CELF4: variants seen among roughly 807,000 people sequenced by gnomAD.
The protein encoded by CELF4 is CUGBP Elav-like family member 4, also known as CUG-BP- and ETR-3-like factor 4.
In CELF4, 18 loss-of-function variants were observed where a neutral mutation model predicts 59.9. The observed-to-expected ratio is 0.30, with a 90% CI of 0.21 to 0.45. The LOEUF (loss-of-function observed/expected upper bound fraction) is 0.45, where lower values mean the gene tolerates loss of function less well. Ranked by LOEUF, CELF4 falls within the 20% of genes least tolerant of loss-of-function variation. CELF4 has a pLI of 1.00. For missense variants in CELF4, 456 were observed against 689.0 expected, an observed-to-expected ratio of 0.66 and a Z score of 3.79; for synonymous variants, 261 against 267.1, an observed-to-expected ratio of 0.98 and a Z score of 0.22.
At chr18:37,335,351 G>T (rs1035828729) in intron 2 of CELF4, among the ~76,000 whole-genome samples, 3 of 152,124 alleles carry the variant, frequency 2.0e-5, no homozygotes, top group African/African-American at 7.2e-5. Flanking sequence ...TGAGGGGTCT[G>T]CACGTGAGTA....
chr18:37,328,789 T>C (rs961645716), intron 2 of CELF4, among the ~76,000 whole-genome samples: 6 of 152,034 alleles, frequency 3.9e-5, no homozygotes, highest in African/African-American at 1.2e-4. Context: ...CACACGATGG[T>C]CATGGAAACA....
chr18:37,297,781 C>T (rs1300826168), intron 3 of CELF4, among the ~76,000 whole-genome samples: 1 of 152,232 alleles, frequency 6.6e-6, no homozygotes, highest in Non-Finnish European at 1.5e-5. Flanking sequence ...TCTAAAACTT[C>T]GTACATTAAT....
intron 3 of CELF4, among the ~76,000 whole-genome samples, chr18:37,299,087 A>G (rs770600280): frequency 1.6e-4 from 25 of 152,324 alleles, no homozygotes; most frequent in Non-Finnish European, 2.2e-4. Flanking sequence ...GCAAGTAGGC[A>G]GGATCCGAGC....
Position 37,243,926 on chromosome 18 carries a change from GCGACC to G in CELF4, c.*1311_*1315del, listed in dbSNP as rs1206928507. The G allele has an allele frequency of 5.4e-6, 1 of 184,524 alleles. No individual in the cohort carries two copies. Among genetic ancestry groups the G allele is most frequent in the African/African-American group, 2.4e-5 (1 of 42,036 alleles). 11.4% of individuals were successfully genotyped at this position (184,524 alleles called of 1,614,324 possible). A position where few individuals can be genotyped will look rare whatever the true frequency, so the allele number is the denominator to read the frequency against. ...GAGGATGACGGCGGCGGCGGCGGCG[GCGACC>G]CGGGCGACGCGACCGTTCCCGACCG... On this transcript the variant is annotated 3_prime_UTR_variant, in exon 13 of 13. Coordinates refer to ENST00000420428, the MANE Select transcript of CELF4 (RefSeq NM_020180.4).
intron 2 of CELF4, among the ~76,000 whole-genome samples, chr18:37,365,238 C>T (rs1198058500): frequency 1.3e-5 from 2 of 152,076 alleles, no homozygotes; most frequent in African/African-American, 2.4e-5. Flanking sequence ...AGGAGAGTAG[C>T]CCACAGAAGA....
At chr18:37,458,375 T>C (rs2154602026) in intron 2 of CELF4, among the ~76,000 whole-genome samples, 1 of 152,306 alleles carries the variant, frequency 6.6e-6, no homozygotes, top group Non-Finnish European at 1.5e-5. Flanking sequence ...CTAGTGGAGA[T>C]TTCCCCATGG....
At chr18:37,381,538 A>C (rs1212335885) in intron 2 of CELF4, among the ~76,000 whole-genome samples, 1 of 152,038 alleles carries the variant, frequency 6.6e-6, no homozygotes, top group Non-Finnish European at 1.5e-5. Flanking sequence ...CTTCACATGA[A>C]CATTCCTTTA....
intron 3 of CELF4, among the ~76,000 whole-genome samples, chr18:37,318,437 C>T (rs684021): frequency 0.077 from 11,650 of 151,782 alleles, 1,265 homozygotes; most frequent in African/African-American, 0.24. Context: ...CTTTAATCTT[C>T]TAAAATGTTC....
chr18:37,449,302 T>C (rs1416406704), intron 2 of CELF4, among the ~76,000 whole-genome samples: 1 of 152,088 alleles, frequency 6.6e-6, no homozygotes, highest in Non-Finnish European at 1.5e-5. Flanking sequence ...TGAGAGTTAC[T>C]GGGCCAGTGT....
intron 3 of CELF4, among the ~76,000 whole-genome samples, chr18:37,309,508 G>A (rs1410945151): frequency 6.6e-6 from 1 of 152,070 alleles, no homozygotes; most frequent in African/African-American, 2.4e-5. Context: ...TGGTCCCCAT[G>A]TGCCTTGTCC....
At chr18:37,480,920 T>C (rs1433741948) in intron 2 of CELF4, among the ~76,000 whole-genome samples, 2 of 150,824 alleles carry the variant, frequency 1.3e-5, no homozygotes, top group Admixed American at 1.3e-4. Context: ...GAAGAAGGGA[T>C]AGAAAGGAGA....
intron 3 of CELF4, among the ~76,000 whole-genome samples, chr18:37,310,165 C>T (rs1350778769): frequency 6.6e-6 from 1 of 151,916 alleles, no homozygotes; most frequent in Non-Finnish European, 1.5e-5. Flanking sequence ...GTGGCAGCTC[C>T]GAAGGGGTGT....
intron 1 of CELF4, among the ~76,000 whole-genome samples, chr18:37,509,887 C>T (rs1445877958): frequency 6.6e-6 from 1 of 152,144 alleles, no homozygotes; most frequent in African/African-American, 2.4e-5. Flanking sequence ...AAAATATGCT[C>T]AGTGAAAGAA....
chr18:37,458,033 TAAGG>T (rs2099783361), intron 2 of CELF4, among the ~76,000 whole-genome samples: 1 of 152,054 alleles, frequency 6.6e-6, no homozygotes, highest in Non-Finnish European at 1.5e-5. Context: ...TTCGTTCCAA[TAAGG>T]GTCATGCGTG....
At chr18:37,478,829 A>G (rs1384952666) in intron 2 of CELF4, among the ~76,000 whole-genome samples, 2 of 152,208 alleles carry the variant, frequency 1.3e-5, no homozygotes, top group Admixed American at 1.3e-4. Flanking sequence ...TCCCTTCTGT[A>G]TAATGAGCCC....
chr18:37,459,247 ATTCT>A (rs2099787083), intron 2 of CELF4, among the ~76,000 whole-genome samples: 1 of 151,910 alleles, frequency 6.6e-6, no homozygotes, highest in Non-Finnish European at 1.5e-5. Flanking sequence ...GCTCCACATC[ATTCT>A]CTTTGGTCCC....
At chr18:37,255,566 C>A (rs970816150) in intron 11 of CELF4, among the ~76,000 whole-genome samples, 1 of 151,528 alleles carries the variant, frequency 6.6e-6, no homozygotes, top group South Asian at 2.1e-4. Context: ...CACCAGCTCC[C>A]CTCAGCCCCT....
At chr18:37,352,979 T>A (rs1468195997) in intron 2 of CELF4, among the ~76,000 whole-genome samples, 1 of 152,058 alleles carries the variant, frequency 6.6e-6, no homozygotes, top group Non-Finnish European at 1.5e-5. Context: ...CCCAGCACTT[T>A]GGGAGGCCAA....
intron 8 of CELF4, 33 bp downstream of exon 8, chr18:37,270,735 C>T (rs1160526536): frequency 6.2e-7 from 1 of 1,612,856 alleles, no homozygotes; most frequent in Non-Finnish European, 8.5e-7. Flanking sequence ...GAATGTGCTG[C>T]ATACGGAAAT....
Sources: gnomAD v4.1 joint callset for allele counts (sites outside exome capture counted in the v4.1 genomes callset) on GRCh38, gnomAD v4.1.1 for gene constraint, MANE v1.5 for transcripts, NCBI Gene and HGNC (gene_info 2026-07-23, HGNC 2026-07-21) for gene names.